The following MAML3 variants were observed in gnomAD, a reference collection of about 807,000 sequenced individuals.
MAML3 encodes the protein mastermind-like protein 3.
MAML3 carries 27 observed loss-of-function variants against 101.9 expected under a neutral mutation model. The observed-to-expected ratio is 0.27, with a 90% CI of 0.20 to 0.37. The LOEUF (loss-of-function observed/expected upper bound fraction) is 0.37, where lower values mean the gene tolerates loss of function less well. MAML3 is among the 10% of genes least tolerant of loss of function. MAML3 has a pLI of 1.00. For synonymous variants in MAML3, 501 were observed against 555.9 expected, an observed-to-expected ratio of 0.90 and a Z score of 1.39; for missense variants, 1,316 against 1,444.9, an observed-to-expected ratio of 0.91 and a Z score of 1.45.
chr4:140,003,848 C>CT (rs1726387804), intron 1 of MAML3, among the ~76,000 whole-genome samples: 1 of 152,166 alleles, frequency 6.6e-6, no homozygotes, highest in African/African-American at 2.4e-5. Context: ...AAGTCTGCCC[C>CT]AGGTATATGA....
chr4:140,082,520 A>G (rs1375045331), intron 1 of MAML3, among the ~76,000 whole-genome samples: 1 of 152,124 alleles, frequency 6.6e-6, no homozygotes, highest in African/African-American at 2.4e-5. Flanking sequence ...TGGGCCTAAC[A>G]TGGAGCTCTG....
intron 2 of MAML3, among the ~76,000 whole-genome samples, chr4:139,881,315 G>T (rs1732214283): frequency 6.6e-6 from 1 of 152,120 alleles, no homozygotes; most frequent in Admixed American, 6.5e-5. Context: ...GAGATTAAGT[G>T]AAAGTCTACA....
In MAML3 at chr4:139,828,975, GAGGAAGGA is replaced by G. The variant is rs548032946; in HGVS notation, c.2079+60374_2079+60381del. Among the ~76,000 whole-genome samples the G allele has an allele frequency of 6.4e-3, 862 of 135,188 alleles. 5 individuals carry two copies. Among genetic ancestry groups the G allele is most frequent in the African/African-American group, 0.017 (582 of 34,798 alleles). The allele number at this position is 135,188 out of a possible 152,430, so 88.7% of individuals were successfully genotyped here. On this transcript the variant is annotated intron_variant, in intron 2 of 4. Transcript: ENST00000509479. ...GTGACAGAGTAAGACCCTGTTGAAA[GAGGAAGGA>G]AGGAAGGAAGGAAGGAAGGAAGGAA...
chr4:140,049,162 A>C (rs561324747), intron 1 of MAML3, among the ~76,000 whole-genome samples: 1 of 152,308 alleles, frequency 6.6e-6, no homozygotes, highest in East Asian at 1.9e-4. Flanking sequence ...CAAAGAAAAA[A>C]AAATGGCATT....
intron 1 of MAML3, among the ~76,000 whole-genome samples, chr4:140,008,811 A>G (rs1273907949): frequency 1.3e-5 from 2 of 152,218 alleles, no homozygotes; most frequent in African/African-American, 4.8e-5. Context: ...CCTTGCGATA[A>G]AAGACACTTC....
In MAML3 at chr4:140,011,337, G is replaced by GTTTTTTTT. The variant is rs1394373852; in HGVS notation, c.469-120371_469-120370insAAAAAAAA. On this transcript the variant is annotated intron_variant, in intron 1 of 4. Coordinates refer to ENST00000509479, the MANE Select transcript of MAML3 (RefSeq NM_018717.5). The stretch of plus-strand genomic sequence containing the variant: ...GATTGGTTTTACTCAAGGTTTTCTT[G>GTTTTTTTT]TTTTGTTTTTTTTTTTTTGAGACGG... Among the ~76,000 whole-genome samples, 7 of 109,814 alleles carry GTTTTTTTT rather than the reference G, an allele frequency of 6.4e-5. 2 individuals carry two copies. Among genetic ancestry groups the GTTTTTTTT allele is most frequent in the Non-Finnish European group, 1.2e-4 (6 of 51,502 alleles). 72.0% of individuals were successfully genotyped at this position (109,814 alleles called of 152,430 possible).
intron 2 of MAML3, among the ~76,000 whole-genome samples, chr4:139,790,153 G>T (rs1425481323): frequency 6.7e-6 from 1 of 148,682 alleles, no homozygotes; most frequent in East Asian, 2.0e-4. Flanking sequence ...ACAGGTAGGG[G>T]TCACCGAGGA....
intron 2 of MAML3, among the ~76,000 whole-genome samples, chr4:139,870,480 A>T (rs1731986482): frequency 1.3e-5 from 2 of 152,206 alleles, no homozygotes; most frequent in Admixed American, 1.3e-4. Flanking sequence ...TAATATTTTT[A>T]AGCCTTGAAA....
At chr4:139,927,564 CT>C (rs1245601843) in intron 1 of MAML3, among the ~76,000 whole-genome samples, 3 of 152,180 alleles carry the variant, frequency 2.0e-5, no homozygotes, top group African/African-American at 7.2e-5. Context: ...TTCCACTTTC[CT>C]TTTATATGTA....
At chr4:140,022,878 G>A (rs992820416) in intron 1 of MAML3, among the ~76,000 whole-genome samples, 3 of 152,120 alleles carry the variant, frequency 2.0e-5, no homozygotes. Context: ...AATATTATGA[G>A]CTTATGCTGT....
At chr4:140,126,058 A>G (rs1268137939) in intron 1 of MAML3, among the ~76,000 whole-genome samples, 2 of 151,986 alleles carry the variant, frequency 1.3e-5, no homozygotes, top group Non-Finnish European at 2.9e-5. Flanking sequence ...TTACAGGCGT[A>G]AGCCACCGCG....
At chr4:140,086,004 C>T (rs145414408) in intron 1 of MAML3, among the ~76,000 whole-genome samples, 1 of 152,344 alleles carries the variant, frequency 6.6e-6, no homozygotes, top group Non-Finnish European at 1.5e-5. Context: ...AATTTTGGCT[C>T]TAACTAAAAC....
intron 1 of MAML3, among the ~76,000 whole-genome samples, chr4:139,923,314 C>T (rs1007920474): frequency 2.6e-5 from 4 of 152,234 alleles, no homozygotes; most frequent in African/African-American, 9.6e-5. Flanking sequence ...CCCTCTGTTA[C>T]TGACTGGGAA....
At chr4:139,922,230 G>A (rs1733143030) in intron 1 of MAML3, among the ~76,000 whole-genome samples, 1 of 151,834 alleles carries the variant, frequency 6.6e-6, no homozygotes, top group African/African-American at 2.4e-5. Context: ...AATTCCAAGG[G>A]GTATACTTAT....
At chr4:140,097,196 G>A (rs6858243) in intron 1 of MAML3, among the ~76,000 whole-genome samples, 41,561 of 152,116 alleles carry the variant, frequency 0.27, 6,800 homozygotes, top group Non-Finnish European at 0.37. Context: ...AAACACAAAC[G>A]GACTAAGATT....
At chr4:139,914,751 T>A (rs999808854) in intron 1 of MAML3, among the ~76,000 whole-genome samples, 1 of 152,136 alleles carries the variant, frequency 6.6e-6, no homozygotes, top group Non-Finnish European at 1.5e-5. Context: ...TGAAACCAAC[T>A]GGAATAAAGT....
intron 2 of MAML3, among the ~76,000 whole-genome samples, chr4:139,884,104 G>C (rs149238343): frequency 2.0e-5 from 3 of 152,022 alleles, no homozygotes; most frequent in South Asian, 4.2e-4. Flanking sequence ...GGCTGCTCTC[G>C]AACTCCTGAC....
chr4:139,870,490 A>G (rs1470988024), intron 2 of MAML3, among the ~76,000 whole-genome samples: 1 of 152,210 alleles, frequency 6.6e-6, no homozygotes, highest in East Asian at 1.9e-4. Context: ...AAGCCTTGAA[A>G]TGAAAAATTG....
intron 2 of MAML3, among the ~76,000 whole-genome samples, chr4:139,754,212 G>C (rs1729594380): frequency 6.6e-6 from 1 of 152,116 alleles, no homozygotes; most frequent in Non-Finnish European, 1.5e-5. Context: ...GGTCAATTAT[G>C]GGTGAGTTTT....
Sources: gnomAD v4.1 joint callset for allele counts (sites outside exome capture counted in the v4.1 genomes callset) on GRCh38, gnomAD v4.1.1 for gene constraint, MANE v1.5 for transcripts, NCBI Gene and HGNC (gene_info 2026-07-23, HGNC 2026-07-21) for gene names.